The following CELF2 variants were observed in gnomAD, a reference collection of about 807,000 sequenced individuals.
The protein encoded by CELF2 is CUG triplet repeat RNA-binding protein 2.
Under a neutral mutation model 62.6 loss-of-function variants are expected in CELF2, and 8 were observed. The observed-to-expected ratio is 0.13, with a 90% CI of 0.07 to 0.23. The LOEUF (loss-of-function observed/expected upper bound fraction) is 0.23. CELF2 is among the 10% of genes least tolerant of loss of function. CELF2 has a pLI of 1.00. For synonymous variants in CELF2, 258 were observed against 250.0 expected, an observed-to-expected ratio of 1.03 and a Z score of -0.30; for missense variants, 333 against 671.0, an observed-to-expected ratio of 0.50 and a Z score of 5.56.
the CELF2 span, among the ~76,000 whole-genome samples, chr10:10,778,386 C>T: frequency 6.6e-6 from 1 of 152,294 alleles, no homozygotes; most frequent in Non-Finnish European, 1.5e-5. Context: ...GCCTACAAAA[C>T]TTTGGCAAAT....
rs2065765548 is a variant in CELF2 at position 10,928,544 on chromosome 10, A to G, written c.89+8545A>G. 6.6e-6 allele frequency among the ~76,000 whole-genome samples: 1 copy of G among 152,194 alleles called. No individual in the cohort carries two copies. The highest frequency in any genetic ancestry group is 2.4e-5 in the African/African-American group (1 of 41,444). On this transcript the variant is annotated intron_variant, in intron 2 of 13. Transcript: ENST00000636488. The surrounding 1 kb of genome is among the most constrained non-coding windows in gnomAD (Gnocchi z 4.8). The stretch of plus-strand genomic sequence containing the variant: ...TAACATCTATTTATGTGTTGTCTGT[A>G]CCATTTTTGTGCTACAACATCACAG...
the CELF2 span, among the ~76,000 whole-genome samples, chr10:10,659,170 C>G: frequency 1.3e-5 from 2 of 152,050 alleles, no homozygotes; most frequent in African/African-American, 4.8e-5. Context: ...GTTTTTGCTC[C>G]TTCGTTTTTC....
At position 11,331,715 on chromosome 10, in the gene CELF2, AGACATTGTAT is replaced by A. The variant is rs1281446571; in HGVS notation, c.*2663_*2672del. ...TTATTTCTCTCTGATGTTTTTTGTA[AGACATTGTAT>A]AAGTGCCCATGTCCCACTTTTTTAA... On this transcript the variant is annotated 3_prime_UTR_variant, in exon 13 of 13. Transcript: ENST00000633077. 6.6e-6 allele frequency: 1 copy of A among 152,482 alleles called. No homozygotes were observed. The highest frequency in any genetic ancestry group is 6.5e-5 in the Admixed American group (1 of 15,280). 9.4% of individuals were successfully genotyped at this position (152,482 alleles called of 1,614,324 possible).
the CELF2 span, among the ~76,000 whole-genome samples, chr10:10,598,751 C>CTTTTTTTTTTTTTTTTTTTTTTTTT: frequency 2.9e-4 from 20 of 69,586 alleles, 3 homozygotes; most frequent in Non-Finnish European, 4.0e-4. Flanking sequence ...CTTTTTCTTT[C>CTTTTTTTTTTTTTTTTTTTTTTTTT]TTTTTTTTTT....
intron 1 of CELF2, among the ~76,000 whole-genome samples, chr10:11,114,672 A>G (rs1294866871): frequency 1.3e-5 from 2 of 152,232 alleles, no homozygotes; most frequent in African/African-American, 2.4e-5. Flanking sequence ...GTGATTGTTG[A>G]GTGGCAATGG....
the CELF2 span, among the ~76,000 whole-genome samples, chr10:10,695,658 T>C: frequency 6.6e-6 from 1 of 152,176 alleles, no homozygotes; most frequent in African/African-American, 2.4e-5. Flanking sequence ...CAGACGTAGA[T>C]TTGGTCTTTT....
At chr10:11,060,955 C>A (rs1350772692) in intron 1 of CELF2, among the ~76,000 whole-genome samples, 1 of 152,132 alleles carries the variant, frequency 6.6e-6, no homozygotes, top group Non-Finnish European at 1.5e-5. Flanking sequence ...TTTCTATACC[C>A]CAAATTTCAA....
the CELF2 span, among the ~76,000 whole-genome samples, chr10:10,583,808 G>A: frequency 6.6e-6 from 1 of 152,308 alleles, no homozygotes; most frequent in African/African-American, 2.4e-5. Flanking sequence ...GAAGATACCA[G>A]GAGATGTTTC....
intron 1 of CELF2, among the ~76,000 whole-genome samples, chr10:10,802,783 C>T (rs2054805132): frequency 6.6e-6 from 1 of 152,216 alleles, no homozygotes; most frequent in South Asian, 2.1e-4. Flanking sequence ...TCCATCCTCT[C>T]TCCTGAGGAA....
chr10:10,988,776 C>T (rs1308481878), intron 2 of CELF2, among the ~76,000 whole-genome samples: 1 of 151,964 alleles, frequency 6.6e-6, no homozygotes, highest in Admixed American at 6.6e-5. Context: ...TATCTTAAAC[C>T]GATAGTTGGG....
At chr10:11,094,171 G>A (rs554768414) in intron 1 of CELF2, among the ~76,000 whole-genome samples, 6 of 152,302 alleles carry the variant, frequency 3.9e-5, no homozygotes, top group African/African-American at 1.4e-4. Context: ...AAATTAACTT[G>A]CTGGCGACCT....
the CELF2 span, among the ~76,000 whole-genome samples, chr10:10,683,000 G>A: frequency 6.6e-6 from 1 of 152,136 alleles, no homozygotes; most frequent in South Asian, 2.1e-4. Context: ...ACAGAACGCA[G>A]CAAGACCCTG....
intron 1 of CELF2, among the ~76,000 whole-genome samples, chr10:11,106,811 G>A (rs571723268): frequency 1.3e-5 from 2 of 152,366 alleles, no homozygotes; most frequent in East Asian, 3.9e-4. Context: ...TACACACCCA[G>A]CATGGGATTC....
chr10:10,690,648 G>C, the CELF2 span, among the ~76,000 whole-genome samples: 98 of 152,270 alleles, frequency 6.4e-4, no homozygotes, highest in Non-Finnish European at 1.3e-3. Flanking sequence ...GGGAGGCTGA[G>C]GTGGGCAGAT....
At chr10:10,962,667 G>T (rs928767191) in intron 2 of CELF2, among the ~76,000 whole-genome samples, 3 of 152,208 alleles carry the variant, frequency 2.0e-5, no homozygotes, top group Non-Finnish European at 4.4e-5. Context: ...TGAAGCTTCA[G>T]TGAGCCATGA....
At chr10:11,021,732 CAAGT>C (rs931431914) in intron 1 of CELF2, among the ~76,000 whole-genome samples, 10 of 152,152 alleles carry the variant, frequency 6.6e-5, no homozygotes, top group African/African-American at 2.2e-4. Flanking sequence ...CTGTGGTTTT[CAAGT>C]AAGTGAACAC....
At chr10:11,252,565 C>G (rs1335515250) in intron 4 of CELF2, among the ~76,000 whole-genome samples, 1 of 152,230 alleles carries the variant, frequency 6.6e-6, no homozygotes, top group African/African-American at 2.4e-5. Flanking sequence ...GAGGGAACCT[C>G]TGGGGTGAGC....
intron 1 of CELF2, among the ~76,000 whole-genome samples, chr10:10,868,067 A>G (rs772776591): frequency 6.6e-6 from 1 of 152,116 alleles, no homozygotes; most frequent in Non-Finnish European, 1.5e-5. Context: ...CCTATATCCA[A>G]AAGTCAAATT....
intron 7 of CELF2, 101 bp from the exon 8 acceptor site, chr10:11,274,956 C>T: frequency 8.7e-7 from 1 of 1,148,294 alleles, no homozygotes; most frequent in Non-Finnish European, 1.3e-6. Flanking sequence ...GAGTAGCAAC[C>T]AACCCTGGAA....
Sources: gnomAD v4.1 joint callset for allele counts (sites outside exome capture counted in the v4.1 genomes callset) on GRCh38, gnomAD v4.1.1 for gene constraint, Gnocchi (gnomAD v3.1) non-coding constraint, MANE v1.5 for transcripts, NCBI Gene and HGNC (gene_info 2026-07-23, HGNC 2026-07-21) for gene names.